Variants in FCHO2 observed in about 807,000 individuals in gnomAD.
FCHO2 encodes the protein F-BAR domain only protein 2.
A neutral mutation model predicts 114.1 loss-of-function variants in FCHO2; 43 were observed. The observed-to-expected ratio is 0.38, with a 90% CI of 0.30 to 0.49. The LOEUF is 0.49. Among genes scored for constraint, FCHO2 ranks in the 20% least tolerant of loss-of-function variants. The pLI is 0.97. For synonymous variants in FCHO2, 293 were observed against 315.2 expected, an observed-to-expected ratio of 0.93 and a Z score of 0.75; for missense variants, 807 against 950.4, an observed-to-expected ratio of 0.85 and a Z score of 1.98.
At chr5:72,989,988 GA>G (rs1247788623) in intron 3 of FCHO2, among the ~76,000 whole-genome samples, 1 of 151,766 alleles carries the variant, frequency 6.6e-6, no homozygotes, top group East Asian at 1.9e-4. Context: ...ATAATGAAAA[GA>G]ATACATTTAA....
chr5:72,956,207 G>C, intron 1 of FCHO2, 78 bp downstream of exon 1: 1 of 1,471,894 alleles, frequency 6.8e-7, no homozygotes, highest in South Asian at 1.3e-5. Flanking sequence ...CGTGCGCTTC[G>C]GGCGGCGGCG....
intron 8 of FCHO2, among the ~76,000 whole-genome samples, chr5:73,024,559 C>T (rs1201111515): frequency 6.6e-6 from 1 of 152,022 alleles, no homozygotes; most frequent in Non-Finnish European, 1.5e-5. Flanking sequence ...CTGCCTCAGC[C>T]TCCCGAGTAG....
intron 18 of FCHO2, among the ~76,000 whole-genome samples, chr5:73,064,279 G>GTTCT (rs1757968379): frequency 6.6e-6 from 1 of 152,028 alleles, no homozygotes; most frequent in Non-Finnish European, 1.5e-5. Context: ...ATGGTGGCTT[G>GTTCT]TTCTTAGACC....
chr5:72,994,585 A>C lies in FCHO2; in HGVS notation c.495+3721A>C, dbSNP rs1234648467. Among the ~76,000 whole-genome samples the C allele has an allele frequency of 4.6e-5, 7 of 152,318 alleles. No homozygotes were observed. The East Asian group carries it at 1.4e-3, about 29-fold the overall frequency. On this transcript the variant is annotated intron_variant, in intron 5 of 25. Transcript: ENST00000430046. ...AAAGCAGTGTGTGGCGATTCTTCAA[A>C]GAGCTAAAAACAGAACTACCATTCA...
Position 73,051,397 on chromosome 5 carries a change from A to C in FCHO2, c.988A>C (p.Asn330His). Reference sequence around the variant, plus strand: ...AGGCTACAGTATTAAACCAGAAACAAATCAGAATGATATCCTTTCATCATC... The same window carrying C: ...AGGCTACAGTATTAAACCAGAAACACATCAGAATGATATCCTTTCATCATC... ...EEGYSIKPET[N>H]QNDTKENHFY... Residue 330 changes from asparagine to histidine, a missense_variant, in exon 12 of 26, where the codon AAT becomes CAT. Physicochemically the swap from Asn to His is moderately conservative, Grantham distance 68. Transcript: ENST00000430046. The C allele has an allele frequency of 6.6e-7, 1 of 1,526,572 alleles. No homozygotes were observed. The allele number at this position is 1,526,572 out of a possible 1,614,324, so 94.6% of individuals were successfully genotyped here.
chr5:72,959,779 CTTTT>C (rs972805765), intron 1 of FCHO2, among the ~76,000 whole-genome samples: 5 of 145,112 alleles, frequency 3.4e-5, no homozygotes, highest in Admixed American at 6.8e-5. Context: ...TCTCTTCTTT[CTTTT>C]TTTTTTTTTT....
At chr5:73,040,226 A>T (rs371973032) in intron 10 of FCHO2, among the ~76,000 whole-genome samples, 3 of 152,270 alleles carry the variant, frequency 2.0e-5, no homozygotes, top group Admixed American at 6.5e-5. Context: ...TGGATTTCAG[A>T]TTTTTTTGGA....
chr5:73,019,982 A>T (rs1024000927), intron 8 of FCHO2, among the ~76,000 whole-genome samples: 1 of 152,196 alleles, frequency 6.6e-6, no homozygotes, highest in African/African-American at 2.4e-5. Flanking sequence ...TTTCAAGATG[A>T]GTATCTCCAC....
intron 12 of FCHO2, among the ~76,000 whole-genome samples, chr5:73,051,911 G>T (rs1757356140): frequency 6.6e-6 from 1 of 151,554 alleles, no homozygotes; most frequent in East Asian, 2.0e-4. Flanking sequence ...TCTTATTTCT[G>T]TTAAGGTCTG....
chr5:72,970,829 T>A, intron 2 of FCHO2, among the ~76,000 whole-genome samples: 1 of 152,178 alleles, frequency 6.6e-6, no homozygotes, highest in East Asian at 1.9e-4. Context: ...TAGGTATATC[T>A]CCCAATGCTA....
chr5:72,997,873 T>C (rs1754211299), intron 5 of FCHO2, among the ~76,000 whole-genome samples: 1 of 152,172 alleles, frequency 6.6e-6, no homozygotes. Context: ...CATGTGTGAA[T>C]GGAGTTCAGG....
chr5:72,990,886 T>C, intron 5 of FCHO2, 22 bp downstream of exon 5: 4 of 1,526,008 alleles, frequency 2.6e-6, no homozygotes, highest in Non-Finnish European at 3.5e-6. Flanking sequence ...AAAAATTACA[T>C]ATCTGTGGTT....
intron 8 of FCHO2, among the ~76,000 whole-genome samples, chr5:73,018,593 G>A (rs769880171): frequency 4.0e-5 from 6 of 150,842 alleles, no homozygotes; most frequent in Admixed American, 6.6e-5. Flanking sequence ...AGGCACAACC[G>A]TGGATTAAAA....
At chr5:72,966,493 G>A (rs1752209934) in intron 1 of FCHO2, among the ~76,000 whole-genome samples, 1 of 152,114 alleles carries the variant, frequency 6.6e-6, no homozygotes. Context: ...AAGCCAAATG[G>A]AAATGTTTGG....
At chr5:73,060,377 T>TTG (rs1174054986) in intron 17 of FCHO2, among the ~76,000 whole-genome samples, 2 of 152,140 alleles carry the variant, frequency 1.3e-5, no homozygotes, top group African/African-American at 4.8e-5. Context: ...GTAGTTACTA[T>TTG]TAAGTCTTCA....
intron 5 of FCHO2, 111 bp downstream of exon 5, chr5:72,990,975 CTG>C: frequency 2.4e-6 from 3 of 1,229,606 alleles, no homozygotes; most frequent in Non-Finnish European, 3.3e-6. Flanking sequence ...GATGAAGACA[CTG>C]TGCCTTACAG....
At position 72,997,009 on chromosome 5, in the gene FCHO2, G is replaced by C. The variant is rs1450844895; in HGVS notation, c.495+6145G>C. On this transcript the variant is annotated intron_variant, in intron 5 of 25. Transcript: ENST00000430046. Reference sequence around the variant, plus strand: ...GCTTCTCCGCCCTTTTGCGGTGGCAGATCTGCATGGTAATTCAGCACCAAA... The same window carrying C: ...GCTTCTCCGCCCTTTTGCGGTGGCACATCTGCATGGTAATTCAGCACCAAA... 1.9e-6 allele frequency: 3 copies of C among 1,546,344 alleles called. No homozygotes were observed. The African/African-American group carries it at 4.1e-5, about 21-fold the overall frequency.
At chr5:73,058,365 G>A in intron 16 of FCHO2, 68 bp from the exon 17 acceptor site, 1 of 1,110,252 alleles carries the variant, frequency 9.0e-7, no homozygotes, top group Non-Finnish European at 1.3e-6. Context: ...ATAAAAATAA[G>A]TGACTAGAAA....
chr5:73,077,590 G>A, intron 21 of FCHO2, 97 bp downstream of exon 21: 1 of 1,312,320 alleles, frequency 7.6e-7, no homozygotes. Flanking sequence ...AGCAGTTTGG[G>A]AGGCTGAGGC....
Sources: gnomAD v4.1 joint callset for allele counts (sites outside exome capture counted in the v4.1 genomes callset) on GRCh38, gnomAD v4.1.1 for gene constraint, MANE v1.5 for transcripts, NCBI Gene and HGNC (gene_info 2026-07-23, HGNC 2026-07-21) for gene names.